CDH1: variants seen among roughly 807,000 people sequenced by gnomAD.
The protein encoded by CDH1 is cadherin-1.
CDH1 carries 35 observed loss-of-function variants against 84.5 expected under a neutral mutation model. The ratio of observed to expected loss-of-function variants is 0.41; its 90% CI spans 0.32 to 0.55. CDH1 has a LOEUF of 0.55. Among genes scored for constraint, CDH1 ranks in the 20% least tolerant of loss-of-function variants. The probability of loss-of-function intolerance (pLI) is 0.19; values close to 1 mark genes in which losing one functional copy is unlikely to be tolerated. For missense variants in CDH1, 994 were observed against 1,126.6 expected (o/e 0.88, Z 1.68); for synonymous variants, 417 against 439.0 (o/e 0.95, Z 0.63).
At chr16:68,756,686 C>T (rs1963026486) in intron 2 of CDH1, among the ~76,000 whole-genome samples, 1 of 152,180 alleles carries the variant, frequency 6.6e-6, no homozygotes, top group Non-Finnish European at 1.5e-5. Context: ...TTTCTTGTAA[C>T]TTTTGCCTTC....
chr16:68,802,545 A>C (rs1216485868), intron 3 of CDH1, among the ~76,000 whole-genome samples: 2 of 151,644 alleles, frequency 1.3e-5, no homozygotes, highest in Non-Finnish European at 2.9e-5. Context: ...GGCGTGACTC[A>C]CAGCAACCTC....
At chr16:68,808,070 C>T (rs1960713370) in intron 3 of CDH1, among the ~76,000 whole-genome samples, 1 of 151,908 alleles carries the variant, frequency 6.6e-6, no homozygotes, top group African/African-American at 2.4e-5. Flanking sequence ...CAGATCTTGT[C>T]TCAAAAAAAT....
chr16:68,738,450 A>C (rs1327801485), intron 2 of CDH1, 39 bp downstream of exon 2: 2 of 1,436,768 alleles, frequency 1.4e-6, no homozygotes, highest in African/African-American at 1.4e-5. Context: ...CGGAGTAGGG[A>C]GGGGTTGGAA....
intron 2 of CDH1, among the ~76,000 whole-genome samples, chr16:68,793,663 G>A (rs867223454): frequency 8.5e-5 from 13 of 152,304 alleles, no homozygotes; most frequent in African/African-American, 2.6e-4. Context: ...AGGCCAAGGC[G>A]GATGGATCAC....
chr16:68,798,723 C>G (rs1960424514), intron 2 of CDH1, among the ~76,000 whole-genome samples: 2 of 152,174 alleles, frequency 1.3e-5, no homozygotes, highest in Non-Finnish European at 2.9e-5. Context: ...CCTTCATTCC[C>G]TGTTTACATG....
intron 2 of CDH1, among the ~76,000 whole-genome samples, chr16:68,767,959 C>CT (rs11393793): frequency 0.29 from 41,959 of 147,024 alleles, 5,901 homozygotes; most frequent in Middle Eastern, 0.33. Context: ...ATTTTAATTA[C>CT]TTTTTTTTTT....
At chr16:68,786,445 T>C (rs147842784) in intron 2 of CDH1, among the ~76,000 whole-genome samples, 409 of 151,936 alleles carry the variant, frequency 2.7e-3, no homozygotes, top group African/African-American at 9.3e-3. Context: ...GTGCGGGGAT[T>C]ACAGGGTTGA....
Position 68,834,114 on chromosome 16 carries a change from G to A in CDH1, c.*615G>A, listed in dbSNP as rs148655354. The A allele has an allele frequency of 2.0e-4, 85 of 433,162 alleles. 1 individual carries two copies. Among genetic ancestry groups the A allele is most frequent in the South Asian group, 9.7e-4 (51 of 52,826 alleles). The allele number at this position is 433,162 out of a possible 1,614,324, so 26.8% of individuals were successfully genotyped here. On this transcript the variant is annotated 3_prime_UTR_variant, in exon 16 of 16. Coordinates refer to ENST00000261769, the MANE Select transcript of CDH1 (RefSeq NM_004360.5). ...TGGGACCACAGGCATGCACCACTAC[G>A]CATGACTAATTTTTTAAATATTTGA...
rs985202676 is a variant in CDH1, at chr16:68,812,413, T to C, written c.1137+150T>C. 9 of 920,054 alleles carry C rather than the reference T, an allele frequency of 9.8e-6. No individual in the cohort carries two copies. In the East Asian group the frequency reaches 1.0e-4, roughly 11 times the overall value. 57.0% of individuals were successfully genotyped at this position (920,054 alleles called of 1,614,324 possible). A position where few individuals can be genotyped will look rare whatever the true frequency, so the allele number is the denominator to read the frequency against. Reference sequence around the variant, plus strand: ...AAACTTAAAAGCAAGCATCTTGAGATGGCAGTTGTCTTTTAGTATCTTTTT... The same window carrying C: ...AAACTTAAAAGCAAGCATCTTGAGACGGCAGTTGTCTTTTAGTATCTTTTT... On this transcript the variant is annotated intron_variant, in intron 8 of 15. Transcript: ENST00000261769.
chr16:68,753,629 G>A (rs1016011669), intron 2 of CDH1, among the ~76,000 whole-genome samples: 6 of 152,016 alleles, frequency 3.9e-5, no homozygotes, highest in Non-Finnish European at 7.4e-5. Flanking sequence ...GAGCCACCGC[G>A]CCCGGCACAT....
chr16:68,789,842 A>G (rs1960161651), intron 2 of CDH1, among the ~76,000 whole-genome samples: 1 of 151,972 alleles, frequency 6.6e-6, no homozygotes, highest in Non-Finnish European at 1.5e-5. Flanking sequence ...GGCGGATCAC[A>G]TGATGTTGGG....
chr16:68,737,599 C>A, intron 1 of CDH1, 136 bp downstream of exon 1: 2 of 821,142 alleles, frequency 2.4e-6, no homozygotes, highest in South Asian at 3.2e-5. Flanking sequence ...GCGGAGCGGC[C>A]TGGAAGCCTC....
At chr16:68,818,849 C>CAA (rs758115524) in intron 10 of CDH1, among the ~76,000 whole-genome samples, 1,058 of 72,326 alleles carry the variant, frequency 0.015, 17 homozygotes, top group African/African-American at 0.031. Context: ...GACTCCGTCT[C>CAA]AAAAAAAAAA....
chr16:68,758,353 G>C (rs935428392), intron 2 of CDH1, among the ~76,000 whole-genome samples: 3 of 150,858 alleles, frequency 2.0e-5, no homozygotes, highest in Non-Finnish European at 4.4e-5. Flanking sequence ...TACCACAAAG[G>C]ATTGCAATGA....
rs919412593 is a variant in CDH1, at chr16:68,795,908, A to T, written c.164-5762A>T. On this transcript the variant is annotated intron_variant, in intron 2 of 15. Coordinates refer to ENST00000261769, the MANE Select transcript of CDH1 (RefSeq NM_004360.5). ...GCCGGGTGCGGTGGCTTATGCCTGT[A>T]ATCCCAGCACTTTGGGCGGCCAAGG... Among the ~76,000 whole-genome samples the T allele has an allele frequency of 3.3e-5, 5 of 151,912 alleles. 1 individual carries two copies. Among genetic ancestry groups the T allele is most frequent in the Admixed American group, 6.5e-5 (1 of 15,270 alleles).
chr16:68,805,111 G>A (rs1366928476), intron 3 of CDH1, among the ~76,000 whole-genome samples: 1 of 148,258 alleles, frequency 6.7e-6, no homozygotes, highest in African/African-American at 2.5e-5. Context: ...CATCTTATTT[G>A]GGTGAGTTTT....
Position 68,801,786 on chromosome 16 carries a change from C to T in CDH1, c.280C>T (p.Pro94Ser), listed in dbSNP as rs1064793862. The change falls in exon 3 of 16, where the codon CCA becomes TCA. Residue 94 changes from proline to serine, a missense_variant. Around this residue, in one of 3 missense-constraint regions of CDH1, gnomAD observed 203 missense variants for 194.0 expected, o/e 1.05. Coordinates refer to ENST00000261769, the MANE Select transcript of CDH1 (RefSeq NM_004360.5). ...TVKRPLRFHN[P>S]QIHFLVYAWD... is the part of the protein sequence containing the mutation. ...CAAAAGGCCTCTACGGTTTCATAAC[C>T]CACAGATCCATTTCTTGGTCTACGC... 1 of 1,614,146 alleles carries T rather than the reference C, an allele frequency of 6.2e-7. No homozygotes were observed. The highest frequency in any genetic ancestry group is 8.5e-7 in the Non-Finnish European group (1 of 1,179,988).
rs9282651 is a variant in CDH1 at position 68,775,861 on chromosome 16, G to T, written c.164-25809G>T. Among the ~76,000 whole-genome samples the T allele has an allele frequency of 4.9e-4, 74 of 152,298 alleles. 1 individual carries two copies. The highest frequency in any genetic ancestry group is 4.1e-3 in the South Asian group (20 of 4,824). ...TCCAAAGCTGTCACTCAGATGTTTAGCAAAATGTCCCCCTTTACATTTCCC... is the reference window on the plus strand; with the variant it reads ...TCCAAAGCTGTCACTCAGATGTTTATCAAAATGTCCCCCTTTACATTTCCC... On this transcript the variant is annotated intron_variant, in intron 2 of 15. Transcript: ENST00000261769.
At chr16:68,829,593 C>T (rs2152142136) in intron 14 of CDH1, 61 bp from the exon 15 acceptor site, 2 of 1,509,226 alleles carry the variant, frequency 1.3e-6, no homozygotes, top group Non-Finnish European at 1.8e-6. Flanking sequence ...TGAACATAGC[C>T]CTGTGTGTAT....
Sources: gnomAD v4.1 joint callset for allele counts (sites outside exome capture counted in the v4.1 genomes callset) on GRCh38, gnomAD v4.1.1 for gene constraint, gnomAD v4.1.1 regional missense constraint, MANE v1.5 for transcripts, NCBI Gene and HGNC (gene_info 2026-07-23, HGNC 2026-07-21) for gene names.